The following MDGA2 variants were observed in gnomAD, a reference collection of about 807,000 sequenced individuals.
MDGA2 encodes MAM domain containing glycosylphosphatidylinositol anchor 2.
Under a neutral mutation model 117.8 loss-of-function variants are expected in MDGA2, and 40 were observed. The observed-to-expected ratio is 0.34, with a 90% CI of 0.26 to 0.44. MDGA2 has a LOEUF of 0.44. Ranked by LOEUF, MDGA2 falls within the 20% of genes least tolerant of loss-of-function variation. The pLI, the probability that MDGA2 is intolerant of heterozygous loss-of-function variation, is 1.00. For synonymous variants in MDGA2, 452 were observed against 439.0 expected, an observed-to-expected ratio of 1.03 and a Z score of -0.37; for missense variants, 1,123 against 1,250.6, an observed-to-expected ratio of 0.90 and a Z score of 1.54.
At chr14:47,595,618 G>A (rs1197824459) in intron 1 of MDGA2, among the ~76,000 whole-genome samples, 2 of 149,170 alleles carry the variant, frequency 1.3e-5, no homozygotes, top group East Asian at 1.9e-4. Context: ...TAGCTGAATC[G>A]AAGTGAAGGA....
In MDGA2 at chr14:47,447,976, A is replaced by G. The variant is rs1023450084; in HGVS notation, c.281-146426T>C. Among the ~76,000 whole-genome samples, 6 of 152,140 alleles carry G rather than the reference A, an allele frequency of 3.9e-5. No homozygotes were observed. In the East Asian group the frequency reaches 9.7e-4, roughly 25 times the overall value. The stretch of plus-strand genomic sequence containing the variant: ...CGCTTGTATTTTCCTGAGTGGGGTG[A>G]TAAGAGTGTCTTTCAGAGTGACAAA... On this transcript the variant is annotated intron_variant, in intron 1 of 16. Transcript: ENST00000399232.
intron 1 of MDGA2, among the ~76,000 whole-genome samples, chr14:47,423,792 A>T (rs1892628702): frequency 7.5e-6 from 1 of 133,312 alleles, no homozygotes; most frequent in Non-Finnish European, 1.6e-5. Context: ...ATTTTATTTA[A>T]CTATTTATTT....
chr14:47,161,542 AAT>A (rs908498309), intron 3 of MDGA2, among the ~76,000 whole-genome samples: 3 of 151,702 alleles, frequency 2.0e-5, no homozygotes, highest in African/African-American at 7.3e-5. Flanking sequence ...ATTTTTCTAA[AAT>A]ATATATATAC....
At chr14:47,008,280 A>G (rs1304156407) in intron 8 of MDGA2, among the ~76,000 whole-genome samples, 2 of 151,914 alleles carry the variant, frequency 1.3e-5, no homozygotes, top group East Asian at 3.9e-4. Context: ...AAGGGTAAAT[A>G]CAATTTCAAA....
At chr14:47,449,266 C>G (rs985497425) in intron 1 of MDGA2, among the ~76,000 whole-genome samples, 7 of 151,994 alleles carry the variant, frequency 4.6e-5, no homozygotes, top group African/African-American at 1.7e-4. Flanking sequence ...CACTATTATA[C>G]CAACAAAAGC....
At chr14:47,500,350 A>G (rs892933587) in intron 1 of MDGA2, among the ~76,000 whole-genome samples, 2 of 152,124 alleles carry the variant, frequency 1.3e-5, no homozygotes, top group African/African-American at 4.8e-5. Flanking sequence ...TTCTCTATAC[A>G]TTGGTAATAA....
At chr14:47,042,310 ATG>A (rs1491529829) in intron 7 of MDGA2, among the ~76,000 whole-genome samples, 2,769 of 94,866 alleles carry the variant, frequency 0.029, 92 homozygotes, top group African/African-American at 0.11. Context: ...AACCAAATCT[ATG>A]TTTTTTTTTT....
intron 1 of MDGA2, among the ~76,000 whole-genome samples, chr14:47,551,839 C>A (rs17118918): frequency 0.037 from 5,631 of 151,844 alleles, 355 homozygotes; most frequent in African/African-American, 0.13. Context: ...TCCCATTTGT[C>A]CTTTCCCGGT....
In MDGA2 at chr14:47,542,918, T is replaced by C. The variant is rs543238343; in HGVS notation, c.280+131599A>G. Among the ~76,000 whole-genome samples the C allele has an allele frequency of 1.6e-3, 242 of 152,238 alleles. 1 individual carries two copies. The highest frequency in any genetic ancestry group is 5.6e-3 in the African/African-American group (234 of 41,548). On this transcript the variant is annotated intron_variant, in intron 1 of 16. Transcript: ENST00000399232. ...TCAGACACTGTGTTGAATTAGAAAA[T>C]AGATGTATAGGCTGGGTGCACTGGC...
At chr14:47,578,579 G>A (rs1241098828) in intron 1 of MDGA2, among the ~76,000 whole-genome samples, 1 of 151,776 alleles carries the variant, frequency 6.6e-6, no homozygotes, top group African/African-American at 2.4e-5. Flanking sequence ...ACCAAAATAG[G>A]GCAAAATTAA....
intron 1 of MDGA2, among the ~76,000 whole-genome samples, chr14:47,436,949 C>A (rs1488492317): frequency 1.3e-5 from 2 of 152,128 alleles, no homozygotes; most frequent in African/African-American, 2.4e-5. Flanking sequence ...AAGTTGTATG[C>A]ACGTATACCT....
chr14:47,057,733 C>G (rs1319400757), intron 7 of MDGA2, among the ~76,000 whole-genome samples: 1 of 146,832 alleles, frequency 6.8e-6, no homozygotes, highest in Non-Finnish European at 1.5e-5. Flanking sequence ...CTACCTTGCC[C>G]TGCCCTGCCC....
intron 6 of MDGA2, among the ~76,000 whole-genome samples, chr14:47,070,591 CTTTT>C (rs56262472): frequency 0.33 from 49,549 of 151,266 alleles, 8,585 homozygotes; most frequent in East Asian, 0.52. Context: ...TCTTCCAGTA[CTTTT>C]TTTTTATTAT....
At chr14:47,548,693 G>A (rs1300238743) in intron 1 of MDGA2, among the ~76,000 whole-genome samples, 1 of 152,132 alleles carries the variant, frequency 6.6e-6, no homozygotes, top group Non-Finnish European at 1.5e-5. Flanking sequence ...CTCGAGATCA[G>A]TCAAGGGTGA....
intron 1 of MDGA2, among the ~76,000 whole-genome samples, chr14:47,505,248 G>A (rs185124561): frequency 7.8e-4 from 118 of 152,188 alleles, no homozygotes; most frequent in African/African-American, 2.6e-3. Flanking sequence ...CAACAGGTGC[G>A]AACTTACAAG....
At chr14:47,527,473 A>T (rs2138724740) in intron 1 of MDGA2, among the ~76,000 whole-genome samples, 1 of 152,224 alleles carries the variant, frequency 6.6e-6, no homozygotes, top group East Asian at 1.9e-4. Flanking sequence ...GTTGTGTTAA[A>T]AATACTTGCA....
chr14:47,158,520 A>C (rs1371246108), intron 3 of MDGA2, among the ~76,000 whole-genome samples: 44 of 145,348 alleles, frequency 3.0e-4, no homozygotes, highest in African/African-American at 1.1e-3. Flanking sequence ...TAACTCTGCC[A>C]CTCAGGCTGG....
At chr14:47,233,771 G>C (rs1279572028) in intron 2 of MDGA2, among the ~76,000 whole-genome samples, 1 of 152,062 alleles carries the variant, frequency 6.6e-6, no homozygotes, top group East Asian at 1.9e-4. Context: ...TAGTATATTA[G>C]ACTGTTTCAA....
At chr14:47,111,826 C>G (rs1012439006) in intron 5 of MDGA2, among the ~76,000 whole-genome samples, 1 of 152,062 alleles carries the variant, frequency 6.6e-6, no homozygotes, top group Admixed American at 6.6e-5. Context: ...CAATATTAAC[C>G]TATCTTCCAT....
Sources: allele counts gnomAD v4.1 joint callset (sites outside exome capture counted in the v4.1 genomes callset), GRCh38; gene constraint gnomAD v4.1.1; transcripts MANE v1.5; gene names NCBI Gene and HGNC (gene_info 2026-07-23, HGNC 2026-07-21).